The following ATP9B variants were observed in gnomAD, a reference collection of about 807,000 sequenced individuals.
ATP9B encodes probable phospholipid-transporting ATPase IIB.
A neutral mutation model predicts 146.1 loss-of-function variants in ATP9B; 110 were observed. The ratio of observed to expected loss-of-function variants is 0.75; its 90% CI spans 0.65 to 0.88. The LOEUF is 0.88. Ranked by LOEUF, ATP9B falls within the 40% of genes least tolerant of loss-of-function variation. The probability of loss-of-function intolerance (pLI) is 0.00; values close to 1 mark genes in which losing one functional copy is unlikely to be tolerated. For synonymous variants in ATP9B, 604 were observed against 569.7 expected, an observed-to-expected ratio of 1.06 and a Z score of -0.86; for missense variants, 1,499 against 1,496.4, an observed-to-expected ratio of 1.00 and a Z score of -0.03.
At chr18:79,363,385 G>GACGTAAACAGGTGTTCATGGATTGAGAC (rs1568829965) in intron 26 of ATP9B, 19 of 150,882 alleles carry the variant, frequency 1.3e-4, no homozygotes, top group Non-Finnish European at 2.2e-4. Flanking sequence ...TGGATTGAGA[G>GACGTAAACAGGTGTTCATGGATTGAGAC]ACGTAAACAG....
chr18:79,084,373 G>A (rs2146562660), intron 1 of ATP9B, among the ~76,000 whole-genome samples: 1 of 151,782 alleles, frequency 6.6e-6, no homozygotes, highest in East Asian at 1.9e-4. Context: ...TAAAATATAG[G>A]TAACTTAAAA....
At chr18:79,332,724 A>C (rs1172153859) in intron 17 of ATP9B, 1 of 152,246 alleles carries the variant, frequency 6.6e-6, no homozygotes, top group Non-Finnish European at 1.5e-5. Flanking sequence ...GGCCATCTGT[A>C]GTTAAAATTG....
At chr18:79,365,718 G>T (rs942310097) in intron 26 of ATP9B, among the ~76,000 whole-genome samples, 1 of 152,036 alleles carries the variant, frequency 6.6e-6, no homozygotes, top group Non-Finnish European at 1.5e-5. Context: ...GGACATCTCT[G>T]TGGACGGGGA....
chr18:79,088,024 G>A (rs1395657417), intron 1 of ATP9B, among the ~76,000 whole-genome samples: 2 of 152,056 alleles, frequency 1.3e-5, no homozygotes, highest in Non-Finnish European at 2.9e-5. Context: ...TCCTGTCTCT[G>A]AAAAAAATCC....
rs564337382 is a variant in ATP9B at position 79,239,924 on chromosome 18, G to A, written c.1108-13457G>A. On this transcript the variant is annotated intron_variant, in intron 11 of 29. Coordinates refer to ENST00000426216, the MANE Select transcript of ATP9B (RefSeq NM_198531.5). This position sits in a 1 kb window ranked among gnomAD's most constrained non-coding sequence, Gnocchi z 5.1. ...ATGAGCGGAGAGGCTTGCTCTGCCTGCGTCCCCATCAGCGGTGACCAGCAG... is the reference window on the plus strand; with the variant it reads ...ATGAGCGGAGAGGCTTGCTCTGCCTACGTCCCCATCAGCGGTGACCAGCAG... Among the ~76,000 whole-genome samples the A allele has an allele frequency of 2.0e-5, 3 of 152,214 alleles. 1 individual carries two copies. In the South Asian group the frequency reaches 6.2e-4, roughly 32 times the overall value.
chr18:79,366,347 C>G (rs3848473), intron 26 of ATP9B, among the ~76,000 whole-genome samples: 58,428 of 152,086 alleles, frequency 0.38, 11,437 homozygotes, highest in Middle Eastern at 0.54. Flanking sequence ...AACCGCAGAA[C>G]CACACTGTGG....
intron 13 of ATP9B, among the ~76,000 whole-genome samples, chr18:79,284,729 T>G (rs899989807): frequency 6.6e-6 from 1 of 151,804 alleles, no homozygotes; most frequent in Non-Finnish European, 1.5e-5. Flanking sequence ...CATTAACTCA[T>G]TATTTAGCTT....
intron 4 of ATP9B, among the ~76,000 whole-genome samples, chr18:79,122,612 A>G (rs1271811388): frequency 6.6e-6 from 1 of 152,144 alleles, no homozygotes; most frequent in East Asian, 1.9e-4. Context: ...TTTTCCTTTA[A>G]GATAAGTTTC....
intron 19 of ATP9B, among the ~76,000 whole-genome samples, chr18:79,338,851 A>G (rs1345030937): frequency 6.6e-6 from 1 of 152,260 alleles, no homozygotes; most frequent in Non-Finnish European, 1.5e-5. Context: ...CTTGGTTTTC[A>G]GAGAAAAGCT....
intron 5 of ATP9B, among the ~76,000 whole-genome samples, chr18:79,135,832 C>CAG (rs1195532332): frequency 6.6e-6 from 1 of 152,036 alleles, no homozygotes; most frequent in African/African-American, 2.4e-5. Flanking sequence ...GTCTACTGTG[C>CAG]AGAGTATGGG....
At chr18:79,254,830 C>G (rs890843557) in intron 12 of ATP9B, 1 of 152,490 alleles carries the variant, frequency 6.6e-6, no homozygotes, top group Non-Finnish European at 1.5e-5. Flanking sequence ...TCTTGTCACT[C>G]GGCTCTTACC....
chr18:79,329,931 G>A, intron 16 of ATP9B, 81 bp from the exon 17 acceptor site: 5 of 1,287,062 alleles, frequency 3.9e-6, no homozygotes, highest in Non-Finnish European at 5.6e-6. Context: ...TTTTTCCATT[G>A]TATGTTTTAT....
At chr18:79,109,224 T>A (rs1322240804) in intron 2 of ATP9B, among the ~76,000 whole-genome samples, 1 of 152,244 alleles carries the variant, frequency 6.6e-6, no homozygotes, top group Non-Finnish European at 1.5e-5. Context: ...TGAGTCTTTC[T>A]CTACATTTTG....
chr18:79,300,177 G>C (rs904459580), intron 13 of ATP9B, among the ~76,000 whole-genome samples: 1 of 152,212 alleles, frequency 6.6e-6, no homozygotes, highest in African/African-American at 2.4e-5. Context: ...GCTTCAGGAG[G>C]GGGGCACTCC....
chr18:79,375,398 A>C lies in ATP9B; in HGVS notation c.3279A>C (p.Ile1093=). 1 of 1,612,302 alleles carries C rather than the reference A, an allele frequency of 6.2e-7. No individual in the cohort carries two copies. ...TTTATTACTGTTTTGGAACAGGTAT[A>C]GGCAGAGTGTCTTTTGGAGCTTTCT... ...SLAFLNEYFG[I]GRVSFGAFLD... The change falls in exon 29 of 30, where the codon ATA becomes ATC. Residue 1093 remains isoleucine (I), a synonymous_variant. Transcript: ENST00000426216.
chr18:79,241,674 A>T (rs1030932978), intron 11 of ATP9B, among the ~76,000 whole-genome samples: 7 of 152,360 alleles, frequency 4.6e-5, no homozygotes, highest in Non-Finnish European at 8.8e-5. Flanking sequence ...ATTATGCAGC[A>T]TGCCTGTTTT....
At chr18:79,074,334 T>C (rs1426833373) in intron 1 of ATP9B, among the ~76,000 whole-genome samples, 1 of 152,194 alleles carries the variant, frequency 6.6e-6, no homozygotes, top group Non-Finnish European at 1.5e-5. Context: ...GTGGCTGCCC[T>C]GGTGTGTCTG....
chr18:79,165,174 A>G (rs566944839), intron 7 of ATP9B, among the ~76,000 whole-genome samples: 2 of 152,320 alleles, frequency 1.3e-5, no homozygotes, highest in East Asian at 3.9e-4. Context: ...CTGAGGTCTA[A>G]CAAGGTCAAG....
chr18:79,220,265 T>C (rs1033108203), intron 11 of ATP9B, among the ~76,000 whole-genome samples: 4 of 152,206 alleles, frequency 2.6e-5, no homozygotes, highest in Admixed American at 6.5e-5. Flanking sequence ...TCTAAAATTA[T>C]AAGCTTTTAT....
Sources: allele counts gnomAD v4.1 joint callset (sites outside exome capture counted in the v4.1 genomes callset), GRCh38; gene constraint gnomAD v4.1.1; non-coding constraint Gnocchi (gnomAD v3.1); transcripts MANE v1.5; gene names NCBI Gene and HGNC (gene_info 2026-07-23, HGNC 2026-07-21).